The following PKIB variants were observed in gnomAD, a reference collection of about 807,000 sequenced individuals.
PKIB encodes cAMP-dependent protein kinase inhibitor beta.
PKIB carries 2 observed loss-of-function variants against 4.5 expected under a neutral mutation model. That is an observed-to-expected ratio of 0.44 (90% CI 0.18 to 1.39). PKIB has a LOEUF of 1.39. PKIB is among the 40% of genes most tolerant of loss of function. PKIB has a pLI of 0.27. For synonymous variants in PKIB, 38 were observed against 36.0 expected (o/e 1.06, Z -0.20); for missense variants, 94 against 92.6 (o/e 1.02, Z -0.06).
At chr6:122,713,715 G>A (rs967228583) in intron 3 of PKIB, among the ~76,000 whole-genome samples, 1 of 152,100 alleles carries the variant, frequency 6.6e-6, no homozygotes, top group Non-Finnish European at 1.5e-5. Flanking sequence ...ATTTTTCCAG[G>A]TGGATTTTTC....
In PKIB at chr6:122,718,968, C is replaced by T. The variant is rs574303735; in HGVS notation, c.169+1005C>T. Among the ~76,000 whole-genome samples, 113 of 151,492 alleles carry T rather than the reference C, an allele frequency of 7.5e-4. 1 individual carries two copies. Among genetic ancestry groups the T allele is most frequent in the African/African-American group, 2.6e-3 (107 of 41,254 alleles). ...GAGAGTAAAAAAGCATACACATCAA[C>T]GTAAAATATTATAAGAAGAATGAAA... On this transcript the variant is annotated intron_variant, in intron 4 of 4. Coordinates refer to ENST00000368452, the MANE Select transcript of PKIB (RefSeq NM_181795.3).
chr6:122,608,206 C>A (rs1774611164), upstream of PKIB, among the ~76,000 whole-genome samples: 1 of 152,202 alleles, frequency 6.6e-6, no homozygotes, highest in Admixed American at 6.5e-5. Context: ...TCCTTCTTCT[C>A]CCCTCTTTGT....
At position 122,576,710 on chromosome 6, in the gene PKIB, A is replaced by ATATTTTT. The variant is rs59569106; in HGVS notation, c.-247-9210_-247-9209insATTTTTT. 1.6e-3 allele frequency among the ~76,000 whole-genome samples: 173 copies of ATATTTTT among 109,936 alleles called. 3 individuals are homozygous for ATATTTTT. The East Asian group carries it at 0.018, about 12-fold the overall frequency. The allele number at this position is 109,936 out of a possible 152,430, so 72.1% of individuals were successfully genotyped here. ...AAAAAATATATATATATATATATATATTTTCTTTTGTATAATTATACCTCA... is the reference window on the plus strand; with the variant it reads ...AAAAAATATATATATATATATATATATATTTTTTTTTCTTTTGTATAATTATACCTCA... On this transcript the variant is annotated intron_variant, in intron 2 of 6. Transcript: ENST00000392491.
Position 122,692,188 on chromosome 6 carries a change from C to G in PKIB, c.-9+17044C>G, listed in dbSNP as rs192096287. On this transcript the variant is annotated intron_variant, in intron 3 of 4. Coordinates refer to ENST00000368452, the MANE Select transcript of PKIB (RefSeq NM_181795.3). ...CTTGCCCAAGGCCCGCTGTAACCAT[C>G]CCCTGTCTATAGCCTATGTTTGCTC... Among the ~76,000 whole-genome samples, 62 of 152,332 alleles carry G rather than the reference C, an allele frequency of 4.1e-4. No homozygotes were observed. The East Asian group carries it at 0.011, about 28-fold the overall frequency.
chr6:122,571,185 C>T (rs530455393), intron 2 of PKIB, among the ~76,000 whole-genome samples: 1 of 151,930 alleles, frequency 6.6e-6, no homozygotes, highest in African/African-American at 2.4e-5. Flanking sequence ...TGAATTAACC[C>T]AATCAGACAA....
chr6:122,538,945 T>A (rs1219532223), intron 2 of PKIB, among the ~76,000 whole-genome samples: 1 of 152,092 alleles, frequency 6.6e-6, no homozygotes, highest in Non-Finnish European at 1.5e-5. Flanking sequence ...TTGAAGCAAT[T>A]GTGAATGGGA....
chr6:122,683,194 G>A (rs1777969092), intron 3 of PKIB, among the ~76,000 whole-genome samples: 1 of 152,146 alleles, frequency 6.6e-6, no homozygotes, highest in Admixed American at 6.6e-5. Flanking sequence ...AAATACCTGA[G>A]AATGGATAAT....
At chr6:122,668,081 A>G (rs1777303666) in intron 2 of PKIB, among the ~76,000 whole-genome samples, 1 of 152,228 alleles carries the variant, frequency 6.6e-6, no homozygotes, top group Admixed American at 6.5e-5. Flanking sequence ...GTGTACAGCA[A>G]TCTTTGTTCA....
At chr6:122,601,780 A>C (rs900207603) in intron 3 of PKIB, among the ~76,000 whole-genome samples, 122 of 152,252 alleles carry the variant, frequency 8.0e-4, no homozygotes, top group African/African-American at 2.9e-3. Context: ...TAACATACAA[A>C]ACTGTGTTAA....
intron 2 of PKIB, chr6:122,531,375 G>A (rs981975169): frequency 6.6e-5 from 10 of 151,854 alleles, no homozygotes; most frequent in Admixed American, 2.6e-4. Flanking sequence ...ACAGAAAGAG[G>A]GCATTAACTA....
At chr6:122,613,716 A>G (rs1375860496) in intron 1 of PKIB, among the ~76,000 whole-genome samples, 1 of 152,150 alleles carries the variant, frequency 6.6e-6, no homozygotes. Context: ...CTGTAATCCC[A>G]GCACTTTGGG....
chr6:122,567,573 G>T (rs1773229947), intron 2 of PKIB, among the ~76,000 whole-genome samples: 1 of 152,084 alleles, frequency 6.6e-6, no homozygotes, highest in South Asian at 2.1e-4. Flanking sequence ...TAATTTAATA[G>T]AAAATGAGTT....
chr6:122,693,607 T>C (rs1440828535), intron 3 of PKIB, among the ~76,000 whole-genome samples: 1 of 152,226 alleles, frequency 6.6e-6, no homozygotes, highest in Non-Finnish European at 1.5e-5. Context: ...AACACTTTTA[T>C]GAAGTTTGAT....
At chr6:122,557,878 T>C (rs1008295026) in intron 2 of PKIB, among the ~76,000 whole-genome samples, 1 of 152,188 alleles carries the variant, frequency 6.6e-6, no homozygotes, top group African/African-American at 2.4e-5. Flanking sequence ...CCTCCCTCAA[T>C]TGGGTAAGGT....
chr6:122,631,343 T>A (rs1189246888), intron 1 of PKIB, among the ~76,000 whole-genome samples: 3 of 152,228 alleles, frequency 2.0e-5, no homozygotes, highest in Non-Finnish European at 4.4e-5. Context: ...CTCACTTTTT[T>A]AGATTCAGAA....
intron 2 of PKIB, among the ~76,000 whole-genome samples, chr6:122,670,485 G>A (rs1429080909): frequency 4.6e-5 from 5 of 107,808 alleles, no homozygotes; most frequent in Non-Finnish European, 8.2e-5. Context: ...TTTCTTATAA[G>A]GAATCACATG....
intron 3 of PKIB, among the ~76,000 whole-genome samples, chr6:122,716,175 C>A (rs1779485142): frequency 6.6e-6 from 1 of 152,096 alleles, no homozygotes; most frequent in East Asian, 1.9e-4. Context: ...ATGATGCCAA[C>A]AATCAGACAT....
chr6:122,505,557 CTTAA>C (rs1308455652), intron 2 of PKIB, among the ~76,000 whole-genome samples: 3 of 152,136 alleles, frequency 2.0e-5, no homozygotes, highest in African/African-American at 7.2e-5. Flanking sequence ...CTCCAGTGGT[CTTAA>C]TTTATTTAAG....
At chr6:122,631,567 C>T (rs770688195) in intron 1 of PKIB, among the ~76,000 whole-genome samples, 9 of 152,072 alleles carry the variant, frequency 5.9e-5, no homozygotes, top group East Asian at 1.9e-4. Context: ...GCGTAATAAC[C>T]GTATATTTGG....
Sources: gnomAD v4.1 joint callset for allele counts (sites outside exome capture counted in the v4.1 genomes callset) on GRCh38, gnomAD v4.1.1 for gene constraint, MANE v1.5 for transcripts, NCBI Gene and HGNC (gene_info 2026-07-23, HGNC 2026-07-21) for gene names.